WDR3: variants seen among roughly 807,000 people sequenced by gnomAD.
The protein encoded by WDR3 is WD repeat domain 3, also known as WD repeat-containing protein 3.
Under a neutral mutation model 123.7 loss-of-function variants are expected in WDR3, and 81 were observed. The ratio of observed to expected loss-of-function variants is 0.65; its 90% confidence interval spans 0.55 to 0.79. WDR3 has a LOEUF of 0.79. Among genes scored for constraint, WDR3 ranks in the 30% least tolerant of loss-of-function variants. The probability of loss-of-function intolerance (pLI) is 0.00; values close to 1 mark genes in which losing one functional copy is unlikely to be tolerated. For synonymous variants in WDR3, 390 were observed against 388.8 expected (o/e 1.00, Z -0.04); for missense variants, 1,027 against 1,123.2 (o/e 0.91, Z 1.22).
chr1:117,933,404 G>A lies in WDR3; in HGVS notation c.85G>A (p.Val29Met). 3 of 1,614,206 alleles carry A rather than the reference G, an allele frequency of 1.9e-6. No homozygotes were observed. The highest frequency in any genetic ancestry group is 2.5e-6 in the Non-Finnish European group (3 of 1,180,038). Residue 29 changes from valine (V) to methionine (M), a missense_variant, in exon 2 of 27, where the codon GTG (valine) becomes ATG (methionine). Transcript: ENST00000349139. ...CAGCCAAAAAGGTAATATTGTCTTT[G>A]TGACACTTCGTGGTGAGAAAGGACG... Reference protein sequence around the residue: ...IGSQKGNIVFVTLRGEKGRYV... With the variant: ...IGSQKGNIVFMTLRGEKGRYV...
chr1:117,952,770 A>G lies in WDR3; in HGVS notation c.2151+108A>G. 9.5e-6 allele frequency: 14 copies of G among 1,480,666 alleles called. No homozygotes were observed. In the South Asian group the frequency reaches 1.1e-4, roughly 11 times the overall value. 91.7% of individuals were successfully genotyped at this position (1,480,666 alleles called of 1,614,324 possible). ...TACACCTGATGCATTGCCAAGTCCA[A>G]GAACCTTCAGGAGATCTTTTCAAGA... On this transcript the variant is annotated intron_variant, in intron 19 of 26. Coordinates refer to ENST00000349139, the MANE Select transcript of WDR3 (RefSeq NM_006784.3).
In WDR3 at chr1:117,964,618, C is replaced by G. The variant is rs1182291884; in HGVS notation, c.*5171C>G. The stretch of plus-strand genomic sequence containing the variant: ...GAGAGACTTTCCCAGTGAGGACTTT[C>G]CTTTCCTATTTTATATTTTGCTCCA... On this transcript the variant is annotated 3_prime_UTR_variant, in exon 27 of 27. Coordinates refer to ENST00000349139, the MANE Select transcript of WDR3 (RefSeq NM_006784.3). 6.6e-6 allele frequency: 1 copy of G among 152,010 alleles called. No homozygotes were observed. Among genetic ancestry groups the G allele is most frequent in the Admixed American group, 6.6e-5 (1 of 15,220 alleles). The allele number at this position is 152,010 out of a possible 1,614,324, so 9.4% of individuals were successfully genotyped here.
rs751940309 is a variant in WDR3 at position 117,952,346 on chromosome 1, G to A, written c.1954G>A (p.Gly652Arg). Reference sequence around the variant, plus strand: ...CAAGTCTCACCTCTTCTTCACTGCCGGAAAAGATCATAAGATTAAACAGTG... The same window carrying A: ...CAAGTCTCACCTCTTCTTCACTGCCAGAAAAGATCATAAGATTAAACAGTG... ...VPKSHLFFTA[G>R]KDHKIKQWDA... The change falls in exon 18 of 27, where the codon GGA becomes AGA. Residue 652 changes from glycine to arginine, a missense_variant. Transcript: ENST00000349139. 1.4e-5 allele frequency: 22 copies of A among 1,613,284 alleles called. No individual in the cohort carries two copies. Among genetic ancestry groups the A allele is most frequent in the Admixed American group, 8.3e-5 (5 of 59,966 alleles).
intron 2 of WDR3, chr1:117,933,703 C>G: frequency 1.6e-6 from 1 of 617,324 alleles, no homozygotes. Context: ...GAAATAGGAG[C>G]TTATTTCTTA....
intron 4 of WDR3, 25 bp from the exon 5 acceptor site, chr1:117,938,455 A>T (rs956857235): frequency 2.5e-6 from 4 of 1,602,672 alleles, no homozygotes; most frequent in African/African-American, 1.3e-5. Flanking sequence ...CAGGCTATAT[A>T]TTTTTTTCCT....
chr1:117,941,279 ACT>A, intron 8 of WDR3, 54 bp downstream of exon 8: 1 of 1,539,096 alleles, frequency 6.5e-7, no homozygotes, highest in Middle Eastern at 1.7e-4. Flanking sequence ...CCTTCCAAAC[ACT>A]CATTCTTTCA....
At position 117,933,562 on chromosome 1, in the gene WDR3, G is replaced by T. The variant is rs563009245; in HGVS notation, c.171+72G>T. 57 of 1,586,668 alleles carry T rather than the reference G, an allele frequency of 3.6e-5. 1 individual carries two copies. In the East Asian group the frequency reaches 7.6e-4, roughly 21 times the overall value. On this transcript the variant is annotated intron_variant, in intron 2 of 26. Transcript: ENST00000349139. ...GATGGAGAGGTAGTAGAAGTGGGGGGGCTCTGATTTATTTATCATGAGTTT... is the reference window on the plus strand; with the variant it reads ...GATGGAGAGGTAGTAGAAGTGGGGGTGCTCTGATTTATTTATCATGAGTTT...
intron 1 of WDR3, among the ~76,000 whole-genome samples, chr1:117,933,069 T>TAGCG (rs1553203721): frequency 6.8e-6 from 1 of 146,840 alleles, no homozygotes; most frequent in Non-Finnish European, 1.5e-5. Flanking sequence ...CCGGGTATGG[T>TAGCG]GGCACATGCC....
chr1:117,931,794 A>C (rs1260380431), intron 1 of WDR3, among the ~76,000 whole-genome samples: 1 of 152,220 alleles, frequency 6.6e-6, no homozygotes, highest in South Asian at 2.1e-4. Context: ...CATTATCACC[A>C]TGTTAATATT....
Position 117,963,567 on chromosome 1 carries a change from A to G in WDR3, c.*4120A>G, listed in dbSNP as rs1653400395. The G allele has an allele frequency of 7.3e-6, 2 of 273,984 alleles. No homozygotes were observed. The highest frequency in any genetic ancestry group is 4.3e-5 in the African/African-American group (2 of 46,492). The allele number at this position is 273,984 out of a possible 1,614,324, so 17.0% of individuals were successfully genotyped here. A position where few individuals can be genotyped will look rare whatever the true frequency, so the allele number is the denominator to read the frequency against. On this transcript the variant is annotated 3_prime_UTR_variant, in exon 27 of 27. Coordinates refer to ENST00000349139, the MANE Select transcript of WDR3 (RefSeq NM_006784.3). ...GTTTAGTAGAGACGGGGTTTCACCA[A>G]GTTAGCCAGGATGGTCTCGATCTCC...
At chr1:117,959,191 A>C in intron 26 of WDR3, 101 bp from the exon 27 acceptor site, 3 of 1,442,592 alleles carry the variant, frequency 2.1e-6, no homozygotes, top group Non-Finnish European at 2.8e-6. Flanking sequence ...GGGAAAGATA[A>C]GTAACAACAC....
intron 5 of WDR3, 72 bp downstream of exon 5, chr1:117,938,630 C>A: frequency 7.5e-7 from 1 of 1,329,230 alleles, no homozygotes; most frequent in Non-Finnish European, 1.1e-6. Flanking sequence ...CTTCTCTTCC[C>A]CTTTCATGGC....
intron 4 of WDR3, 46 bp from the exon 5 acceptor site, chr1:117,938,434 G>A (rs775627228): frequency 1.1e-5 from 17 of 1,539,890 alleles, no homozygotes; most frequent in Admixed American, 5.2e-5. Flanking sequence ...CGTTGAATGA[G>A]TTTTCCTAAA....
rs1007402457 is a variant in WDR3, at chr1:117,952,894, A to G, written c.2152-52A>G. The G allele has an allele frequency of 1.2e-5, 19 of 1,597,784 alleles. No individual in the cohort carries two copies. The East Asian group carries it at 4.3e-4, about 36-fold the overall frequency. The stretch of plus-strand genomic sequence containing the variant: ...TTCTCGCTTCCTCATTTCTCTTCAT[A>G]TAGAGACCATGTTTTTTTCTCTCAA... On this transcript the variant is annotated intron_variant, in intron 19 of 26. Transcript: ENST00000349139.
In WDR3 at chr1:117,965,963, CA is replaced by C. The variant is rs2101439643; in HGVS notation, c.*6518del. On this transcript the variant is annotated 3_prime_UTR_variant, in exon 27 of 27. Coordinates refer to ENST00000349139, the MANE Select transcript of WDR3 (RefSeq NM_006784.3). The stretch of plus-strand genomic sequence containing the variant: ...CATTATTTTTACTTAAAGTTCCCGT[CA>C]ATCAAGTTTTCACATTCTATAAGAT... 1 of 152,252 alleles carries C rather than the reference CA, an allele frequency of 6.6e-6. No homozygotes were observed. The highest frequency in any genetic ancestry group is 1.9e-4 in the East Asian group (1 of 5,188). The allele number at this position is 152,252 out of a possible 1,614,324, so 9.4% of individuals were successfully genotyped here.
rs1653300210 is a variant in WDR3, at chr1:117,962,957, T to G, written c.*3510T>G. 6.6e-6 allele frequency: 1 copy of G among 152,250 alleles called. No homozygotes were observed. The highest frequency in any genetic ancestry group is 1.5e-5 in the Non-Finnish European group (1 of 68,050). 9.4% of individuals were successfully genotyped at this position (152,250 alleles called of 1,614,324 possible). ...TGAAGAAACCACATTGGCTTACAGT[T>G]ACTGTCTGCAATCCACCCCCATTCC... is the stretch of plus-strand genomic sequence containing the variant. On this transcript the variant is annotated 3_prime_UTR_variant, in exon 27 of 27. Transcript: ENST00000349139.
intron 12 of WDR3, among the ~76,000 whole-genome samples, chr1:117,947,194 C>T (rs1398508507): frequency 2.0e-5 from 3 of 152,122 alleles, no homozygotes; most frequent in Non-Finnish European, 4.4e-5. Context: ...GAGAAACTAG[C>T]CTGCAGCGAA....
chr1:117,940,995 A>C, intron 7 of WDR3, 55 bp downstream of exon 7: 1 of 1,582,280 alleles, frequency 6.3e-7, no homozygotes, highest in Non-Finnish European at 8.6e-7. Flanking sequence ...GAAAGTAAGA[A>C]TTGCAGATTT....
At chr1:117,940,734 CAACAACAACAACAACAA>C (rs1040711392) in intron 6 of WDR3, 76 bp from the exon 7 acceptor site, 6 of 1,173,320 alleles carry the variant, frequency 5.1e-6, no homozygotes, top group Admixed American at 4.2e-5. Flanking sequence ...TCTCCGACAA[CAACAACAACAACAACAA>C]AACAACAACA....
Sources: allele counts gnomAD v4.1 joint callset (sites outside exome capture counted in the v4.1 genomes callset), GRCh38; gene constraint gnomAD v4.1.1; transcripts MANE v1.5; gene names NCBI Gene and HGNC (gene_info 2026-07-23, HGNC 2026-07-21).